The following B4GALT2 variants were observed in gnomAD, a reference collection of about 807,000 sequenced individuals.
B4GALT2 encodes the protein beta-1,4-galactosyltransferase 2, also known as N-acetyllactosamine synthase.
A neutral mutation model predicts 33.2 loss-of-function variants in B4GALT2; 18 were observed. That is an observed-to-expected ratio of 0.54 (90% CI 0.38 to 0.80). The LOEUF (loss-of-function observed/expected upper bound fraction) is 0.80, where lower values mean the gene tolerates loss of function less well. Ranked by LOEUF, B4GALT2 falls within the 30% of genes least tolerant of loss-of-function variation. The pLI is 0.00. For missense variants in B4GALT2, 404 were observed against 526.2 expected, an observed-to-expected ratio of 0.77 and a Z score of 2.27; for synonymous variants, 214 against 217.6, an observed-to-expected ratio of 0.98 and a Z score of 0.15.
At chr1:43,980,057 G>T in intron 1 of B4GALT2, 7 of 1,504,564 alleles carry the variant, frequency 4.7e-6, no homozygotes, top group Non-Finnish European at 6.2e-6. Context: ...GTGAGTGTGG[G>T]ACTTAGTGTG....
rs187431721 is a variant in B4GALT2, at chr1:43,985,434, G to C, written c.863+34G>C. ...GCACGCGGTGGGGAATAGGCTGGGT[G>C]GGGGGGGGAGGGGGGGTGCAGACTG... On this transcript the variant is annotated intron_variant, in intron 5 of 6. Transcript: ENST00000372324. The C allele has an allele frequency of 5.9e-3, 5,004 of 842,546 alleles. 222 individuals carry two copies. The African/African-American group carries it at 0.078, about 13-fold the overall frequency. The allele number at this position is 842,546 out of a possible 1,614,324, so 52.2% of individuals were successfully genotyped here.
In B4GALT2 at chr1:43,981,686, C is replaced by A; in HGVS notation, c.314-3C>A. 1 of 1,605,114 alleles carries A rather than the reference C, an allele frequency of 6.2e-7. No individual in the cohort carries two copies. Among genetic ancestry groups the A allele is most frequent in the Non-Finnish European group, 8.5e-7 (1 of 1,174,848 alleles). On this transcript the variant is annotated splice_polypyrimidine_tract_variant and splice_region_variant and intron_variant, in intron 2 of 6. Coordinates refer to ENST00000372324, the MANE Select transcript of B4GALT2 (RefSeq NM_003780.5). The surrounding 1 kb of genome is among the most constrained non-coding windows in gnomAD (Gnocchi z 8.1). ...CTGATTCCTGACACTGTCCTGTCTG[C>A]AGTGGGCAGACTGCTGATCGAGTTC... is the stretch of plus-strand genomic sequence containing the variant.
chr1:43,987,557 C>T (rs892579186), intron 6 of B4GALT2, among the ~76,000 whole-genome samples: 3 of 152,128 alleles, frequency 2.0e-5, no homozygotes, highest in African/African-American at 7.2e-5. Flanking sequence ...TCACTGCCAC[C>T]CCTAAAACAT....
At position 43,979,750 on chromosome 1, in the gene B4GALT2, C is replaced by T. The variant is rs2085573092; in HGVS notation, c.-53+239C>T. ...GTCCTCGCTCGCCCCGGCCTCGTGG[C>T]GCGGGGAGGCGTTCCATACACGTTT... On this transcript the variant is annotated intron_variant, in intron 1 of 6. Transcript: ENST00000372324. The surrounding 1 kb of genome is among the most constrained non-coding windows in gnomAD (Gnocchi z 4.8). The T allele has an allele frequency of 2.4e-6, 1 of 409,222 alleles. No homozygotes were observed. The highest frequency in any genetic ancestry group is 4.4e-6 in the Non-Finnish European group (1 of 225,224). 25.3% of individuals were successfully genotyped at this position (409,222 alleles called of 1,614,324 possible). A position where few individuals can be genotyped will look rare whatever the true frequency, so the allele number is the denominator to read the frequency against.
rs1388743652 is a variant in B4GALT2, at chr1:43,990,759, C to T, written c.*311C>T. Reference sequence around the variant, plus strand: ...GCACTGCCTCGCAGAGTGGCCTGGGCTAGGTCACTCCACCTCTCTGTGCCT... The same window carrying T: ...GCACTGCCTCGCAGAGTGGCCTGGGTTAGGTCACTCCACCTCTCTGTGCCT... On this transcript the variant is annotated 3_prime_UTR_variant, in exon 7 of 7. Transcript: ENST00000372324. 1.5e-5 allele frequency: 6 copies of T among 392,940 alleles called. No individual in the cohort carries two copies. Among genetic ancestry groups the T allele is most frequent in the African/African-American group, 8.1e-5 (4 of 49,474 alleles). 24.3% of individuals were successfully genotyped at this position (392,940 alleles called of 1,614,324 possible).
At position 43,990,336 on chromosome 1, in the gene B4GALT2, G is replaced by A. The variant is rs749744242; in HGVS notation, c.1007G>A (p.Arg336Gln). The A allele has an allele frequency of 1.7e-5, 28 of 1,614,034 alleles. No homozygotes were observed. Among genetic ancestry groups the A allele is most frequent in the Non-Finnish European group, 2.2e-5 (26 of 1,180,020 alleles). Reference protein sequence around the residue: ...KIQNTKLTMKRDGIGSVRYQV... With the variant: ...KIQNTKLTMKQDGIGSVRYQV... ...CAAAACACGAAGCTGACCATGAAGCGGGACGGCATTGGGTCAGTGCGGTAC... is the reference window on the plus strand; with the variant it reads ...CAAAACACGAAGCTGACCATGAAGCAGGACGGCATTGGGTCAGTGCGGTAC... The change falls in exon 7 of 7, where the codon CGG (arginine) becomes CAG (glutamine). Residue 336 changes from arginine (R) to glutamine (Q), a missense_variant. Physicochemically the swap from Arg to Gln is conservative, Grantham distance 43. Coordinates refer to ENST00000372324, the MANE Select transcript of B4GALT2 (RefSeq NM_003780.5).
intron 6 of B4GALT2, among the ~76,000 whole-genome samples, chr1:43,987,902 G>C (rs2085676953): frequency 6.6e-6 from 1 of 152,120 alleles, no homozygotes; most frequent in Non-Finnish European, 1.5e-5. Context: ...CCTCTACCTG[G>C]AGTGCTTTGC....
rs929600276 is a variant in B4GALT2, at chr1:43,984,398, A to C, written c.550-467A>C. 6.6e-6 allele frequency among the ~76,000 whole-genome samples: 1 copy of C among 152,244 alleles called. No homozygotes were observed. Among genetic ancestry groups the C allele is most frequent in the African/African-American group, 2.4e-5 (1 of 41,466 alleles). ...GAATCCCCGCTAGCACAAAGGAGAG[A>C]GCGCCACAGGGCATGTTTGAATGAG... On this transcript the variant is annotated intron_variant, in intron 3 of 6. Transcript: ENST00000372324. The surrounding 1 kb of genome is among the most constrained non-coding windows in gnomAD (Gnocchi z 5.6).
rs1298714762 is a variant in B4GALT2 at position 43,982,036 on chromosome 1, G to A, written c.549+112G>A. ...TGGATGGACCTGGGCGTGGGTAGTCGGTGTTTGTCAGTGTGCACAGGAATG... is the reference window on the plus strand; with the variant it reads ...TGGATGGACCTGGGCGTGGGTAGTCAGTGTTTGTCAGTGTGCACAGGAATG... On this transcript the variant is annotated intron_variant, in intron 3 of 6. Coordinates refer to ENST00000372324, the MANE Select transcript of B4GALT2 (RefSeq NM_003780.5). The surrounding 1 kb of genome is among the most constrained non-coding windows in gnomAD (Gnocchi z 4.3). 38 of 1,075,928 alleles carry A rather than the reference G, an allele frequency of 3.5e-5. No homozygotes were observed. The South Asian group carries it at 3.6e-4, about 10-fold the overall frequency. 66.6% of individuals were successfully genotyped at this position (1,075,928 alleles called of 1,614,324 possible). A position where few individuals can be genotyped will look rare whatever the true frequency, so the allele number is the denominator to read the frequency against.
chr1:43,990,321 A>G lies in B4GALT2; in HGVS notation c.992A>G (p.Lys331Arg). Residue 331 changes from lysine (K) to arginine (R), a missense_variant, in exon 7 of 7, where the codon AAG becomes AGG. By Grantham distance (26) the Lys-to-Arg change is conservative (BLOSUM62 2). Coordinates refer to ENST00000372324, the MANE Select transcript of B4GALT2 (RefSeq NM_003780.5). ...PQRFTKIQNT[K>R]LTMKRDGIGS... ...AGGTTTACCAAGATTCAAAACACGA[A>G]GCTGACCATGAAGCGGGACGGCATT... 1 of 1,614,158 alleles carries G rather than the reference A, an allele frequency of 6.2e-7. No individual in the cohort carries two copies. The highest frequency in any genetic ancestry group is 8.5e-7 in the Non-Finnish European group (1 of 1,180,022).
rs576927471 is a variant in B4GALT2, at chr1:43,984,076, C to A, written c.550-789C>A. 6.6e-6 allele frequency among the ~76,000 whole-genome samples: 1 copy of A among 152,346 alleles called. No individual in the cohort carries two copies. The highest frequency in any genetic ancestry group is 1.5e-5 in the Non-Finnish European group (1 of 68,028). On this transcript the variant is annotated intron_variant, in intron 3 of 6. Transcript: ENST00000372324. The surrounding 1 kb of genome is among the most constrained non-coding windows in gnomAD (Gnocchi z 5.6). ...CTGAATGCTCCCTGCTAGTCCTAGT[C>A]CAGAGTCTGGTGCTTAGGCCTACAT...
rs1034958058 is a variant in B4GALT2 at position 43,979,694 on chromosome 1, C to T, written c.-53+183C>T. 1.5e-5 allele frequency: 4 copies of T among 266,604 alleles called. No homozygotes were observed. The highest frequency in any genetic ancestry group is 2.9e-5 in the Non-Finnish European group (4 of 138,522). The allele number at this position is 266,604 out of a possible 1,614,324, so 16.5% of individuals were successfully genotyped here. ...CCACTCCGGCGCCCCTCCTGGGCTT[C>T]TCCGCCCGCGTCCAGCCGGCCTCCC... On this transcript the variant is annotated intron_variant, in intron 1 of 6. Transcript: ENST00000372324. This position sits in a 1 kb window ranked among gnomAD's most constrained non-coding sequence, Gnocchi z 4.8.
Position 43,991,110 on chromosome 1 carries a change from T to G in B4GALT2, c.*662T>G. On this transcript the variant is annotated 3_prime_UTR_variant, in exon 7 of 7. Coordinates refer to ENST00000372324, the MANE Select transcript of B4GALT2 (RefSeq NM_003780.5). ...AGGAGGCAGGAGCCCCAGGGCCGGCTTGTGTTTGTACATTGCACAGAAACT... is the reference window on the plus strand; with the variant it reads ...AGGAGGCAGGAGCCCCAGGGCCGGCGTGTGTTTGTACATTGCACAGAAACT... The G allele has an allele frequency of 6.3e-6, 1 of 159,560 alleles. No homozygotes were observed. The highest frequency in any genetic ancestry group is 1.4e-5 in the Non-Finnish European group (1 of 71,950). The allele number at this position is 159,560 out of a possible 1,614,324, so 9.9% of individuals were successfully genotyped here. A position where few individuals can be genotyped will look rare whatever the true frequency, so the allele number is the denominator to read the frequency against.
At position 43,986,012 on chromosome 1, in the gene B4GALT2, C is replaced by A. The variant is rs187837274; in HGVS notation, c.968+391C>A. 53 of 258,954 alleles carry A rather than the reference C, an allele frequency of 2.0e-4. No individual in the cohort carries two copies. The East Asian group carries it at 3.9e-3, about 19-fold the overall frequency. 16.0% of individuals were successfully genotyped at this position (258,954 alleles called of 1,614,324 possible). On this transcript the variant is annotated intron_variant, in intron 6 of 6. Transcript: ENST00000372324. ...CAGATAGGACACGAGCTAATGGGTG[C>A]TGGGCACAGCTCCTGTGGACCTGAC...
intron 6 of B4GALT2, 65 bp from the exon 7 acceptor site, chr1:43,990,233 G>C (rs932604773): frequency 6.3e-7 from 1 of 1,592,464 alleles, no homozygotes; most frequent in Non-Finnish European, 8.6e-7. Context: ...TGGTTGGGGG[G>C]TGTAGGATTT....
chr1:43,980,079 C>T, intron 1 of B4GALT2: 1 of 1,468,512 alleles, frequency 6.8e-7, no homozygotes, highest in South Asian at 1.3e-5. Flanking sequence ...TACTGTCACC[C>T]GGGTGTGTCT....
chr1:43,990,757 G>A lies in B4GALT2; in HGVS notation c.*309G>A, dbSNP rs1386424785. The A allele has an allele frequency of 2.5e-6, 1 of 397,232 alleles. No individual in the cohort carries two copies. The highest frequency in any genetic ancestry group is 2.8e-5 in the South Asian group (1 of 35,732). The allele number at this position is 397,232 out of a possible 1,614,324, so 24.6% of individuals were successfully genotyped here. A position where few individuals can be genotyped will look rare whatever the true frequency, so the allele number is the denominator to read the frequency against. On this transcript the variant is annotated 3_prime_UTR_variant, in exon 7 of 7. Transcript: ENST00000372324. Reference sequence around the variant, plus strand: ...CTGCACTGCCTCGCAGAGTGGCCTGGGCTAGGTCACTCCACCTCTCTGTGC... The same window carrying A: ...CTGCACTGCCTCGCAGAGTGGCCTGAGCTAGGTCACTCCACCTCTCTGTGC...
At chr1:43,989,471 G>A (rs2085698344) in intron 6 of B4GALT2, among the ~76,000 whole-genome samples, 1 of 152,216 alleles carries the variant, frequency 6.6e-6, no homozygotes, top group Non-Finnish European at 1.5e-5. Flanking sequence ...TTTGAGGGAG[G>A]GAGGAGTGAG....
At position 43,990,721 on chromosome 1, in the gene B4GALT2, C is replaced by G. The variant is rs1297257717; in HGVS notation, c.*273C>G. 1.0e-5 allele frequency: 5 copies of G among 485,624 alleles called. No individual in the cohort carries two copies. Among genetic ancestry groups the G allele is most frequent in the Non-Finnish European group, 1.9e-5 (5 of 265,768 alleles). The allele number at this position is 485,624 out of a possible 1,614,324, so 30.1% of individuals were successfully genotyped here. A position where few individuals can be genotyped will look rare whatever the true frequency, so the allele number is the denominator to read the frequency against. ...GCCCAGCCCCAGTCACTGTCAGGGTCGGGCCAGCCCCTGCACTGCCTCGCA... is the reference window on the plus strand; with the variant it reads ...GCCCAGCCCCAGTCACTGTCAGGGTGGGGCCAGCCCCTGCACTGCCTCGCA... On this transcript the variant is annotated 3_prime_UTR_variant, in exon 7 of 7. Coordinates refer to ENST00000372324, the MANE Select transcript of B4GALT2 (RefSeq NM_003780.5).
Sources: allele counts gnomAD v4.1 joint callset (sites outside exome capture counted in the v4.1 genomes callset), GRCh38; gene constraint gnomAD v4.1.1; non-coding constraint Gnocchi (gnomAD v3.1); transcripts MANE v1.5; gene names NCBI Gene and HGNC (gene_info 2026-07-23, HGNC 2026-07-21).